Variants in ITPR1 observed in about 807,000 individuals in gnomAD.
ITPR1 encodes inositol 1,4,5-trisphosphate receptor type 1.
A neutral mutation model predicts 318.4 loss-of-function variants in ITPR1; 96 were observed. That is an observed-to-expected ratio of 0.30 (90% CI 0.26 to 0.36). The LOEUF (loss-of-function observed/expected upper bound fraction) is 0.36, where lower values mean the gene tolerates loss of function less well. Ranked by LOEUF, ITPR1 falls within the 10% of genes least tolerant of loss-of-function variation. The pLI, the probability that ITPR1 is intolerant of heterozygous loss-of-function variation, is 1.00. For synonymous variants in ITPR1, 1,312 were observed against 1,289.9 expected, an observed-to-expected ratio of 1.02 and a Z score of -0.37; for missense variants, 2,440 against 3,460.2, an observed-to-expected ratio of 0.71 and a Z score of 7.40.
rs756138441 is a variant in ITPR1 at position 4,665,182 on chromosome 3, C to G, written c.1599C>G (p.Gly533=). Residue 533 remains glycine (G), a synonymous_variant, in exon 17 of 62, where the codon GGC becomes GGG. Transcript: ENST00000649015. The part of the protein sequence containing the change: ...LQAPFTDCGD[G]PMLRLEELGD... Reference sequence around the variant, plus strand: ...CCCCATTCACAGACTGCGGTGATGGCCCAATGCTTCGGCTGGAAGAGCTCG... The same window carrying G: ...CCCCATTCACAGACTGCGGTGATGGGCCAATGCTTCGGCTGGAAGAGCTCG... The G allele has an allele frequency of 1.2e-6, 2 of 1,613,994 alleles. No homozygotes were observed. Among genetic ancestry groups the G allele is most frequent in the Admixed American group, 3.3e-5 (2 of 60,032 alleles).
At chr3:4,784,647 G>A (rs760139637) in intron 51 of ITPR1, among the ~76,000 whole-genome samples, 20 of 149,416 alleles carry the variant, frequency 1.3e-4, no homozygotes, top group African/African-American at 2.7e-4. Context: ...TTGGGAGGCC[G>A]AGGCAGGTAG....
intron 54 of ITPR1, among the ~76,000 whole-genome samples, chr3:4,803,304 C>A (rs776243001): frequency 9.2e-5 from 14 of 152,190 alleles, no homozygotes; most frequent in Non-Finnish European, 1.5e-4. Flanking sequence ...CCAAACCATA[C>A]TGCCACTCTG....
chr3:4,699,751 A>G (rs1316390990), intron 34 of ITPR1, 62 bp from the exon 35 acceptor site: 3 of 1,565,372 alleles, frequency 1.9e-6, no homozygotes, highest in Non-Finnish European at 2.6e-6. Context: ...AGGGAGTCGC[A>G]GATTTCTTAA....
chr3:4,560,839 C>G (rs565502455), intron 4 of ITPR1, among the ~76,000 whole-genome samples: 1 of 152,286 alleles, frequency 6.6e-6, no homozygotes, highest in African/African-American at 2.4e-5. Flanking sequence ...AGTGAATGTT[C>G]TAGAACTCCT....
chr3:4,833,826 G>A (rs7613359), intron 60 of ITPR1, among the ~76,000 whole-genome samples: 3,079 of 152,274 alleles, frequency 0.02, 112 homozygotes, highest in African/African-American at 0.07. Context: ...GTCACTGGTT[G>A]TTGGGTCTTA....
chr3:4,509,525 C>T (rs1209537178), intron 2 of ITPR1, among the ~76,000 whole-genome samples: 2 of 152,216 alleles, frequency 1.3e-5, no homozygotes, highest in Admixed American at 6.5e-5. Context: ...GGTGTGGTGG[C>T]TCATGCCTGT....
intron 4 of ITPR1, among the ~76,000 whole-genome samples, chr3:4,569,397 C>A (rs898607253): frequency 6.6e-6 from 1 of 152,114 alleles, no homozygotes; most frequent in Non-Finnish European, 1.5e-5. Context: ...GATTTATAAA[C>A]AAAGGACATT....
chr3:4,542,573 A>G (rs1210435196), intron 4 of ITPR1, among the ~76,000 whole-genome samples: 1 of 152,138 alleles, frequency 6.6e-6, no homozygotes, highest in Non-Finnish European at 1.5e-5. Flanking sequence ...TAGGTATAAG[A>G]GAGAAAACTC....
At chr3:4,673,503 T>C (rs758429008) in intron 21 of ITPR1, 116 bp downstream of exon 21, 10 of 1,074,180 alleles carry the variant, frequency 9.3e-6, no homozygotes, top group Non-Finnish European at 1.3e-5. Flanking sequence ...TCTTCAAGCT[T>C]AAAATAAAAT....
intron 4 of ITPR1, among the ~76,000 whole-genome samples, chr3:4,580,329 C>T (rs927473513): frequency 1.3e-5 from 2 of 152,154 alleles, no homozygotes; most frequent in African/African-American, 4.8e-5. Flanking sequence ...GTTTTAGGTT[C>T]GATAAGGATT....
rs577754967 is a variant in ITPR1, at chr3:4,551,934, G to A, written c.163+30840G>A. Among the ~76,000 whole-genome samples the A allele has an allele frequency of 3.3e-4, 51 of 152,282 alleles. No homozygotes were observed. In the South Asian group the frequency reaches 0.01, roughly 31 times the overall value. On this transcript the variant is annotated intron_variant, in intron 4 of 61. Coordinates refer to ENST00000649015, the MANE Select transcript of ITPR1 (RefSeq NM_001378452.1). ...AAAAGATAATTTGATTGACTCTAAC[G>A]AACATTTATTACATATGCTCTGGAG...
chr3:4,598,455 A>G (rs1357588992), intron 4 of ITPR1, among the ~76,000 whole-genome samples: 1 of 152,082 alleles, frequency 6.6e-6, no homozygotes, highest in Non-Finnish European at 1.5e-5. Context: ...CCCCGTCTCT[A>G]CAAAAAAATA....
chr3:4,494,460 C>T lies in ITPR1; in HGVS notation c.-63C>T, dbSNP rs889404498. ...TGACTACAGAGGAGCAGGATTTGCA[C>T]CCCTCGCTGGGCTTGCTTTGGCAAC... is the stretch of plus-strand genomic sequence containing the variant. On this transcript the variant is annotated 5_prime_UTR_variant, in exon 2 of 62. Transcript: ENST00000649015. 1.3e-5 allele frequency: 2 copies of T among 152,296 alleles called. No individual in the cohort carries two copies. The highest frequency in any genetic ancestry group is 2.9e-5 in the Non-Finnish European group (2 of 68,096). 9.4% of individuals were successfully genotyped at this position (152,296 alleles called of 1,614,324 possible). A position where few individuals can be genotyped will look rare whatever the true frequency, so the allele number is the denominator to read the frequency against.
At chr3:4,797,461 G>GTA (rs1250126352) in intron 53 of ITPR1, among the ~76,000 whole-genome samples, 1 of 152,096 alleles carries the variant, frequency 6.6e-6, no homozygotes, top group Non-Finnish European at 1.5e-5. Context: ...CTGATTTTGT[G>GTA]TGGTTCTGTG....
intron 12 of ITPR1, 122 bp downstream of exon 12, chr3:4,654,008 C>T (rs939883545): frequency 6.1e-6 from 4 of 653,586 alleles, no homozygotes; most frequent in Non-Finnish European, 1.1e-5. Flanking sequence ...ACCTTAGGCT[C>T]CCTTAAAACA....
At chr3:4,654,910 C>G (rs942428784) in intron 12 of ITPR1, among the ~76,000 whole-genome samples, 2 of 152,090 alleles carry the variant, frequency 1.3e-5, no homozygotes, top group African/African-American at 4.8e-5. Flanking sequence ...TGCTGGGGAG[C>G]CTCTCCTCCC....
chr3:4,740,474 C>G (rs1481254149), intron 44 of ITPR1, among the ~76,000 whole-genome samples: 1 of 152,138 alleles, frequency 6.6e-6, no homozygotes, highest in South Asian at 2.1e-4. Context: ...TTATGGGAAT[C>G]CACAAATAAT....
chr3:4,535,474 G>C (rs1186016266), intron 4 of ITPR1, among the ~76,000 whole-genome samples: 3 of 89,928 alleles, frequency 3.3e-5, no homozygotes, highest in African/African-American at 1.3e-4. Context: ...ACGGAGTCTT[G>C]CTCTGTTGCC....
At chr3:4,695,687 C>T (rs936207247) in intron 33 of ITPR1, among the ~76,000 whole-genome samples, 1 of 152,198 alleles carries the variant, frequency 6.6e-6, no homozygotes, top group Non-Finnish European at 1.5e-5. Flanking sequence ...GTGTATCATT[C>T]CATGCCTTTT....
Sources: gnomAD v4.1 joint callset for allele counts (sites outside exome capture counted in the v4.1 genomes callset) on GRCh38, gnomAD v4.1.1 for gene constraint, MANE v1.5 for transcripts, NCBI Gene and HGNC (gene_info 2026-07-23, HGNC 2026-07-21) for gene names.